The following POFUT3 variants were observed in gnomAD, a reference collection of about 807,000 sequenced individuals.
POFUT3 encodes GDP-fucose protein O-fucosyltransferase 3.
the POFUT3 span, among the ~76,000 whole-genome samples, chr8:33,394,806 C>T: frequency 6.6e-6 from 1 of 152,138 alleles, no homozygotes; most frequent in African/African-American, 2.4e-5. Flanking sequence ...ACACCAATGT[C>T]CCCCAACACA....
At chr8:33,355,105 A>G in the POFUT3 span, among the ~76,000 whole-genome samples, 1 of 152,216 alleles carries the variant, frequency 6.6e-6, no homozygotes, top group Non-Finnish European at 1.5e-5. Context: ...AAATCAGGTG[A>G]GAGACCACCA....
At chr8:33,456,326 T>G in the POFUT3 span, among the ~76,000 whole-genome samples, 1 of 152,180 alleles carries the variant, frequency 6.6e-6, no homozygotes. Flanking sequence ...GAGATTCTTC[T>G]TCTGCCATAC....
At chr8:33,362,589 G>A in the POFUT3 span, among the ~76,000 whole-genome samples, 351 of 144,576 alleles carry the variant, frequency 2.4e-3, 2 homozygotes, top group African/African-American at 8.4e-3. Context: ...CAAGCAAATG[G>A]AAAGCAAAAA....
At chr8:33,418,143 C>T in the POFUT3 span, among the ~76,000 whole-genome samples, 545 of 152,302 alleles carry the variant, frequency 3.6e-3, 4 homozygotes, top group African/African-American at 0.013. Context: ...CCAACAGCCC[C>T]TGCAGTTCCA....
the POFUT3 span, among the ~76,000 whole-genome samples, chr8:33,309,340 C>T: frequency 2.4e-5 from 3 of 124,442 alleles, no homozygotes; most frequent in Non-Finnish European, 4.9e-5. Flanking sequence ...GGTTGTTTAT[C>T]CTTAAAGGTA....
At chr8:33,396,484 C>T in the POFUT3 span, among the ~76,000 whole-genome samples, 1 of 152,126 alleles carries the variant, frequency 6.6e-6, no homozygotes, top group East Asian at 1.9e-4. Context: ...TGTCTTGCTC[C>T]TTGATTTTTC....
the POFUT3 span, among the ~76,000 whole-genome samples, chr8:33,332,492 A>G: frequency 5.9e-5 from 9 of 151,308 alleles, no homozygotes; most frequent in African/African-American, 2.2e-4. Flanking sequence ...CTGAAAGAAA[A>G]AAAAAAAAAG....
chr8:33,425,919 A>AG, the POFUT3 span, among the ~76,000 whole-genome samples: 1 of 150,614 alleles, frequency 6.6e-6, no homozygotes, highest in Non-Finnish European at 1.5e-5. Context: ...AAAAAAAAAA[A>AG]GATTAGTGAA....
chr8:33,393,886 A>C, the POFUT3 span, among the ~76,000 whole-genome samples: 1 of 152,254 alleles, frequency 6.6e-6, no homozygotes, highest in South Asian at 2.1e-4. Flanking sequence ...AATGCTCTCC[A>C]AAGGTAATCT....
chr8:33,335,114 T>G, the POFUT3 span, among the ~76,000 whole-genome samples: 1 of 151,962 alleles, frequency 6.6e-6, no homozygotes, highest in Non-Finnish European at 1.5e-5. Flanking sequence ...TATGCTGATA[T>G]ATGTTTAGCA....
At chr8:33,312,671 T>C in the POFUT3 span, among the ~76,000 whole-genome samples, 1 of 152,282 alleles carries the variant, frequency 6.6e-6, no homozygotes, top group South Asian at 2.1e-4. Flanking sequence ...TTTTCAGAAC[T>C]GAAAACTTTC....
chr8:33,454,095 C>A, the POFUT3 span, among the ~76,000 whole-genome samples: 2 of 152,144 alleles, frequency 1.3e-5, no homozygotes, highest in Non-Finnish European at 2.9e-5. Flanking sequence ...CCAATGGTAT[C>A]CAGCCTGGGC....
the POFUT3 span, among the ~76,000 whole-genome samples, chr8:33,420,995 T>C: frequency 2.0e-5 from 3 of 151,228 alleles, no homozygotes; most frequent in African/African-American, 7.3e-5. Context: ...GAAATACAAA[T>C]GTAAATTCAG....
the POFUT3 span, among the ~76,000 whole-genome samples, chr8:33,339,276 T>C: frequency 6.6e-6 from 1 of 152,056 alleles, no homozygotes; most frequent in Non-Finnish European, 1.5e-5. Flanking sequence ...AACTAAAACA[T>C]ACAACCGTGA....
At chr8:33,441,560 T>C in the POFUT3 span, among the ~76,000 whole-genome samples, 1 of 151,874 alleles carries the variant, frequency 6.6e-6, no homozygotes, top group South Asian at 2.1e-4. Flanking sequence ...TTTGTATTTT[T>C]TGTAGTGATG....
At chr8:33,320,438 A>C in the POFUT3 span, among the ~76,000 whole-genome samples, 1 of 152,080 alleles carries the variant, frequency 6.6e-6, no homozygotes, top group Non-Finnish European at 1.5e-5. Context: ...CTGGCATGTT[A>C]GGATTTATAA....
At chr8:33,461,192 AG>A in the POFUT3 span, among the ~76,000 whole-genome samples, 51 of 2,684 alleles carry the variant, frequency 0.019, no homozygotes, top group African/African-American at 0.026. Flanking sequence ...GAAGGAAGGA[AG>A]GGAGGGAGGG....
At chr8:33,387,285 CAAGA>C in the POFUT3 span, among the ~76,000 whole-genome samples, 1 of 151,870 alleles carries the variant, frequency 6.6e-6, no homozygotes, top group Non-Finnish European at 1.5e-5. Flanking sequence ...TTATACAAAA[CAAGA>C]AAGAAGAATT....
At chr8:33,461,172 CGGAA>C in the POFUT3 span, among the ~76,000 whole-genome samples, 124 of 47,556 alleles carry the variant, frequency 2.6e-3, no homozygotes, top group East Asian at 9.3e-3. Flanking sequence ...GGTACTGTGT[CGGAA>C]GGAAGGAAGG....
Sources: gnomAD v4.1 joint callset for allele counts (sites outside exome capture counted in the v4.1 genomes callset) on GRCh38, gnomAD v4.1.1 for gene constraint, MANE v1.5 for transcripts, NCBI Gene and HGNC (gene_info 2026-07-23, HGNC 2026-07-21) for gene names.